The following AP4E1 variants were observed in gnomAD, a reference collection of about 807,000 sequenced individuals.
AP4E1 encodes AP-4 complex subunit epsilon-1.
In AP4E1, 56 loss-of-function variants were observed where a neutral mutation model predicts 128.2. That is an observed-to-expected ratio of 0.44 (90% CI 0.35 to 0.55). The LOEUF is 0.55. Among genes scored for constraint, AP4E1 ranks in the 20% least tolerant of loss-of-function variants. The pLI is 0.00. For missense variants in AP4E1, 1,324 were observed against 1,307.7 expected (o/e 1.01, Z -0.19); for synonymous variants, 484 against 473.1 (o/e 1.02, Z -0.30).
intron 19 of AP4E1, 88 bp from the exon 20 acceptor site, chr15:51,000,938 G>A (rs770430739): frequency 2.8e-6 from 3 of 1,088,278 alleles, no homozygotes; most frequent in Non-Finnish European, 4.1e-6. Context: ...CAATGATTAT[G>A]TTTTATTCTC....
Position 50,930,798 on chromosome 15 carries a change from G to A in AP4E1, c.703-7G>A, listed in dbSNP as rs780470892. On this transcript the variant is annotated splice_region_variant and splice_polypyrimidine_tract_variant and intron_variant, in intron 6 of 20. Coordinates refer to ENST00000261842, the MANE Select transcript of AP4E1 (RefSeq NM_007347.5). Reference sequence around the variant, plus strand: ...ATTAACAAAGTTTTTTTTGCGGGGGGATGTAGGAGAATTCATCTGGATATA... The same window carrying A: ...ATTAACAAAGTTTTTTTTGCGGGGGAATGTAGGAGAATTCATCTGGATATA... 1 of 1,613,248 alleles carries A rather than the reference G, an allele frequency of 6.2e-7. No homozygotes were observed. Among genetic ancestry groups the A allele is most frequent in the Non-Finnish European group, 8.5e-7 (1 of 1,179,744 alleles).
intron 13 of AP4E1, among the ~76,000 whole-genome samples, chr15:50,951,074 A>G (rs1299625724): frequency 1.3e-5 from 2 of 152,176 alleles, no homozygotes; most frequent in Non-Finnish European, 2.9e-5. Context: ...CAATGTTACC[A>G]CAAACTTAGT....
At chr15:50,922,574 A>G (rs1437957721) in intron 3 of AP4E1, among the ~76,000 whole-genome samples, 1 of 152,206 alleles carries the variant, frequency 6.6e-6, no homozygotes, top group African/African-American at 2.4e-5. Context: ...TATAGTTAAC[A>G]TTAGAATCCC....
intron 6 of AP4E1, 116 bp from the exon 7 acceptor site, chr15:50,930,689 A>T: frequency 9.6e-7 from 1 of 1,043,360 alleles, no homozygotes; most frequent in Non-Finnish European, 1.5e-6. Flanking sequence ...CTGTTTCATT[A>T]AATGTGAACA....
At chr15:50,910,089 C>T (rs1027113472) in intron 1 of AP4E1, among the ~76,000 whole-genome samples, 1 of 152,304 alleles carries the variant, frequency 6.6e-6, no homozygotes, top group East Asian at 1.9e-4. Flanking sequence ...CGGGTTCAAG[C>T]GATTCTCCTG....
rs2063882500 is a variant in AP4E1 at position 50,934,619 on chromosome 15, A to G, written c.870-5A>G. The G allele has an allele frequency of 6.3e-7, 1 of 1,599,398 alleles. No homozygotes were observed. The highest frequency in any genetic ancestry group is 1.3e-5 in the African/African-American group (1 of 74,574). ...TCTACTGCAAATAAAATATCTTTTA[A>G]ACAGGACAAGTGAATTAATGTATGA... On this transcript the variant is annotated splice_region_variant and splice_polypyrimidine_tract_variant and intron_variant, in intron 7 of 20. Coordinates refer to ENST00000261842, the MANE Select transcript of AP4E1 (RefSeq NM_007347.5).
chr15:50,920,858 G>T (rs1445363367), intron 3 of AP4E1, among the ~76,000 whole-genome samples: 1 of 152,198 alleles, frequency 6.6e-6, no homozygotes, highest in Non-Finnish European at 1.5e-5. Context: ...GAGTGCAATG[G>T]CACGATCTCG....
At chr15:50,963,534 T>C (rs775650797) in intron 14 of AP4E1, among the ~76,000 whole-genome samples, 12 of 152,136 alleles carry the variant, frequency 7.9e-5, no homozygotes, top group Non-Finnish European at 1.6e-4. Context: ...GTGCATCTTA[T>C]GGAGGTAGAG....
At position 50,908,814 on chromosome 15, in the gene AP4E1, G is replaced by T; in HGVS notation, c.36G>T (p.Leu12=). 1 of 1,603,088 alleles carries T rather than the reference G, an allele frequency of 6.2e-7. No individual in the cohort carries two copies. Among genetic ancestry groups the T allele is most frequent in the African/African-American group, 1.3e-5 (1 of 74,908 alleles). ...SDIVEKTLTA[L]PGLFLQNQPG... ...TAGTGGAGAAGACGCTGACGGCGCTGCCGGGACTCTTTCTGCAGAACCAGC... is the reference window on the plus strand; with the variant it reads ...TAGTGGAGAAGACGCTGACGGCGCTTCCGGGACTCTTTCTGCAGAACCAGC... The change falls in exon 1 of 21, where the codon CTG becomes CTT. Residue 12 remains leucine, a synonymous_variant. Coordinates refer to ENST00000261842, the MANE Select transcript of AP4E1 (RefSeq NM_007347.5).
intron 15 of AP4E1, among the ~76,000 whole-genome samples, chr15:50,970,215 T>C (rs546614043): frequency 1.3e-5 from 2 of 152,340 alleles, no homozygotes; most frequent in East Asian, 3.9e-4. Flanking sequence ...TCCTGACTTA[T>C]TTCACTTAAT....
At chr15:50,952,072 A>G (rs1054408775) in intron 13 of AP4E1, among the ~76,000 whole-genome samples, 1 of 152,160 alleles carries the variant, frequency 6.6e-6, no homozygotes, top group African/African-American at 2.4e-5. Context: ...ATCTGCATCT[A>G]TAGGTATATC....
In AP4E1 at chr15:51,004,712, G is replaced by T. The variant is rs1391464698; in HGVS notation, c.*2050G>T. 6.6e-6 allele frequency: 1 copy of T among 152,568 alleles called. No individual in the cohort carries two copies. The highest frequency in any genetic ancestry group is 1.5e-5 in the Non-Finnish European group (1 of 68,028). 9.5% of individuals were successfully genotyped at this position (152,568 alleles called of 1,614,324 possible). A position where few individuals can be genotyped will look rare whatever the true frequency, so the allele number is the denominator to read the frequency against. ...GTTTCACTGGAATGTTTATTAGAAA[G>T]TTTACACTTTTTATATTTTTATGAT... On this transcript the variant is annotated 3_prime_UTR_variant, in exon 21 of 21. Coordinates refer to ENST00000261842, the MANE Select transcript of AP4E1 (RefSeq NM_007347.5).
At chr15:50,946,351 A>G (rs2064061955) in intron 10 of AP4E1, among the ~76,000 whole-genome samples, 1 of 152,212 alleles carries the variant, frequency 6.6e-6, no homozygotes, top group Non-Finnish European at 1.5e-5. Flanking sequence ...CTTTAACATT[A>G]CTTTGAATAA....
chr15:51,001,325 A>G, intron 20 of AP4E1, 142 bp downstream of exon 20: 1 of 776,378 alleles, frequency 1.3e-6, no homozygotes, highest in Middle Eastern at 3.5e-4. Flanking sequence ...TGTTTTTCAG[A>G]CTGTATTAAA....
rs900199359 is a variant in AP4E1, at chr15:50,954,457, TTTGTTGTTG to T, written c.1549-4020_1549-4012del. Among the ~76,000 whole-genome samples, 164 of 152,004 alleles carry T rather than the reference TTTGTTGTTG, an allele frequency of 1.1e-3. 2 individuals carry two copies. The highest frequency in any genetic ancestry group is 3.8e-3 in the African/African-American group (158 of 41,496). On this transcript the variant is annotated intron_variant, in intron 13 of 20. Transcript: ENST00000261842. ...ACTGAATTTTCATTCAATAGTTCAG[TTTGTTGTTG>T]TTGTTGTTGTTGTTTTTCCCCCCCT...
chr15:50,992,435 C>T (rs2064818855), intron 16 of AP4E1, among the ~76,000 whole-genome samples: 1 of 152,046 alleles, frequency 6.6e-6, no homozygotes, highest in Non-Finnish European at 1.5e-5. Flanking sequence ...AAATGATTAC[C>T]ACAATCAAAC....
chr15:50,908,998 G>A, intron 1 of AP4E1, 70 bp downstream of exon 1: 1 of 1,593,072 alleles, frequency 6.3e-7, no homozygotes, highest in Non-Finnish European at 8.5e-7. Flanking sequence ...GCCCTGGCCG[G>A]GCGGCGAGAC....
intron 14 of AP4E1, among the ~76,000 whole-genome samples, chr15:50,962,680 G>A (rs2064331639): frequency 6.6e-6 from 1 of 151,780 alleles, no homozygotes; most frequent in South Asian, 2.1e-4. Context: ...AATGCTTTAG[G>A]ACATTGGTCG....
intron 5 of AP4E1, among the ~76,000 whole-genome samples, chr15:50,925,925 C>T (rs867705187): frequency 3.7e-4 from 56 of 150,524 alleles, no homozygotes; most frequent in African/African-American, 1.2e-3. Flanking sequence ...ATGCCCGGCC[C>T]GGGAAGATGC....
Sources: gnomAD v4.1 joint callset for allele counts (sites outside exome capture counted in the v4.1 genomes callset) on GRCh38, gnomAD v4.1.1 for gene constraint, MANE v1.5 for transcripts, NCBI Gene and HGNC (gene_info 2026-07-23, HGNC 2026-07-21) for gene names.